ACTG2: variants seen among roughly 807,000 people sequenced by gnomAD.
The protein encoded by ACTG2 is actin, gamma-enteric smooth muscle.
In ACTG2, 16 loss-of-function variants were observed where a neutral mutation model predicts 37.6. The observed-to-expected ratio is 0.43, with a 90% CI of 0.29 to 0.65. The LOEUF (loss-of-function observed/expected upper bound fraction) is 0.65. Among genes scored for constraint, ACTG2 ranks in the 30% least tolerant of loss-of-function variants. The probability of loss-of-function intolerance (pLI) is 0.18; values close to 1 mark genes in which losing one functional copy is unlikely to be tolerated. For synonymous variants in ACTG2, 181 were observed against 179.9 expected, an observed-to-expected ratio of 1.01 and a Z score of -0.05; for missense variants, 238 against 490.9, an observed-to-expected ratio of 0.48 and a Z score of 4.87.
rs139780344 is a variant in ACTG2 at position 73,915,961 on chromosome 2, G to A, written c.806-623G>A. ...AGGTATTTAAAATGTTCTAAAATTA[G>A]ATTTTGGTGATGTTTGCTTCTGTGG... On this transcript the variant is annotated intron_variant, in intron 7 of 8. Transcript: ENST00000345517. 5.3e-5 allele frequency among the ~76,000 whole-genome samples: 8 copies of A among 152,246 alleles called. No homozygotes were observed. In the East Asian group the frequency reaches 1.3e-3, roughly 26 times the overall value.
intron 5 of ACTG2, among the ~76,000 whole-genome samples, chr2:73,909,722 G>T (rs1680089104): frequency 6.6e-6 from 1 of 152,126 alleles, no homozygotes; most frequent in South Asian, 2.1e-4. Context: ...ACATAGAAAA[G>T]TTACAGTGAA....
intron 3 of ACTG2, among the ~76,000 whole-genome samples, chr2:73,904,777 G>GTGTGTATGTATATATA (rs1427483105): frequency 1.2e-4 from 5 of 42,634 alleles, no homozygotes; most frequent in African/African-American, 3.9e-4. Context: ...GTGTGTGTGT[G>GTGTGTATGTATATATA]TATATATATA....
At chr2:73,903,370 A>T (rs1679931915) in intron 3 of ACTG2, among the ~76,000 whole-genome samples, 1 of 152,230 alleles carries the variant, frequency 6.6e-6, no homozygotes. Flanking sequence ...TCAATGTGAG[A>T]TAAGTACTGC....
intron 1 of ACTG2, chr2:73,897,428 G>C (rs2104801034): frequency 6.6e-6 from 1 of 152,478 alleles, no homozygotes; most frequent in Middle Eastern, 3.4e-3. Flanking sequence ...TCTTCTCAAG[G>C]TGGACCACCT....
At chr2:73,903,875 G>C (rs1251877998) in intron 3 of ACTG2, among the ~76,000 whole-genome samples, 1 of 148,654 alleles carries the variant, frequency 6.7e-6, no homozygotes, top group African/African-American at 2.5e-5. Flanking sequence ...GGGAGGCAGA[G>C]GTTGCAGTGA....
intron 3 of ACTG2, among the ~76,000 whole-genome samples, chr2:73,904,767 G>GTATATATATATA (rs1679976906): frequency 1.1e-5 from 1 of 88,992 alleles, no homozygotes; most frequent in African/African-American, 5.5e-5. Context: ...GTGTGTGTGT[G>GTATATATATATA]TGTGTGTGTG....
chr2:73,908,648 C>T (rs1680064783), intron 3 of ACTG2, 25 bp from the exon 4 acceptor site: 2 of 1,565,222 alleles, frequency 1.3e-6, no homozygotes, highest in South Asian at 1.2e-5. Flanking sequence ...GTCTGCCAGG[C>T]TCATATGGCT....
chr2:73,912,874 TAAGA>T (rs1680169180), intron 5 of ACTG2, among the ~76,000 whole-genome samples: 1 of 152,102 alleles, frequency 6.6e-6, no homozygotes, highest in Non-Finnish European at 1.5e-5. Context: ...GCTGTTAGAT[TAAGA>T]AATATGAGGC....
chr2:73,912,966 A>C (rs1024950513), intron 5 of ACTG2, among the ~76,000 whole-genome samples: 1 of 152,120 alleles, frequency 6.6e-6, no homozygotes, highest in Non-Finnish European at 1.5e-5. Flanking sequence ...TCAGGAGTTC[A>C]AGACCAGCCT....
At chr2:73,901,784 T>C (rs1679890537) in intron 2 of ACTG2, 1 of 277,840 alleles carries the variant, frequency 3.6e-6, no homozygotes, top group Non-Finnish European at 6.6e-6. Context: ...AAAAGTTAAT[T>C]TATATGGGAT....
intron 1 of ACTG2, chr2:73,897,267 G>A (rs1679766600): frequency 6.6e-6 from 1 of 152,284 alleles, no homozygotes; most frequent in Non-Finnish European, 1.5e-5. Context: ...GAGAGAGTTT[G>A]GGGAGGGAGA....
At position 73,911,585 on chromosome 2, in the gene ACTG2, T is replaced by C. The variant is rs72903361; in HGVS notation, c.452-1900T>C. On this transcript the variant is annotated intron_variant, in intron 5 of 8. Coordinates refer to ENST00000345517, the MANE Select transcript of ACTG2 (RefSeq NM_001615.4). ...TTTCAAGTATGTTGTACATAATGTA[T>C]GTGCTGTACTTTTATACAGCTGGCA... Among the ~76,000 whole-genome samples the C allele has an allele frequency of 2.3e-3, 354 of 152,394 alleles. 1 individual carries two copies. The highest frequency in any genetic ancestry group is 8.2e-3 in the African/African-American group (341 of 41,598).
At chr2:73,896,180 T>G (rs554893860) in intron 1 of ACTG2, among the ~76,000 whole-genome samples, 2 of 151,504 alleles carry the variant, frequency 1.3e-5, no homozygotes, top group Non-Finnish European at 2.9e-5. Context: ...CAAAAAAAAT[T>G]TTTTTTTGAA....
intron 3 of ACTG2, among the ~76,000 whole-genome samples, chr2:73,903,380 C>A (rs1386860984): frequency 1.3e-5 from 2 of 152,152 alleles, no homozygotes; most frequent in African/African-American, 2.4e-5. Context: ...ATAAGTACTG[C>A]ACATAAAATG....
chr2:73,912,332 A>C (rs1054592659), intron 5 of ACTG2, among the ~76,000 whole-genome samples: 1 of 152,092 alleles, frequency 6.6e-6, no homozygotes, highest in African/African-American at 2.4e-5. Context: ...TAATTTTTGT[A>C]TTTTTAGTAG....
intron 1 of ACTG2, among the ~76,000 whole-genome samples, chr2:73,901,024 C>G (rs774356094): frequency 2.0e-5 from 3 of 152,216 alleles, no homozygotes; most frequent in Non-Finnish European, 4.4e-5. Context: ...TTTAAAGACC[C>G]TATCTCCAAA....
chr2:73,913,464 C>T, intron 5 of ACTG2, 21 bp from the exon 6 acceptor site: 1 of 1,571,954 alleles, frequency 6.4e-7, no homozygotes, highest in South Asian at 1.2e-5. Context: ...ATTTTATAAG[C>T]CTGATCCTCT....
At chr2:73,915,457 C>CT (rs1480399400) in intron 7 of ACTG2, among the ~76,000 whole-genome samples, 1 of 148,024 alleles carries the variant, frequency 6.8e-6, no homozygotes, top group Admixed American at 6.9e-5. Flanking sequence ...GAGATCAAGG[C>CT]TGCAGTGAGC....
At chr2:73,911,822 C>T (rs1680146591) in intron 5 of ACTG2, among the ~76,000 whole-genome samples, 1 of 152,202 alleles carries the variant, frequency 6.6e-6, no homozygotes, top group South Asian at 2.1e-4. Context: ...GAAGTGTGCT[C>T]AGCGTAACAG....
Sources: allele counts gnomAD v4.1 joint callset (sites outside exome capture counted in the v4.1 genomes callset), GRCh38; gene constraint gnomAD v4.1.1; transcripts MANE v1.5; gene names NCBI Gene and HGNC (gene_info 2026-07-23, HGNC 2026-07-21).